The following DAB1 variants were observed in gnomAD, a reference collection of about 807,000 sequenced individuals.
The protein encoded by DAB1 is disabled homolog 1.
DAB1 carries 15 observed loss-of-function variants against 64.6 expected under a neutral mutation model. The ratio of observed to expected loss-of-function variants is 0.23; its 90% CI spans 0.16 to 0.36. The LOEUF (loss-of-function observed/expected upper bound fraction) is 0.36, where lower values mean the gene tolerates loss of function less well. Ranked by LOEUF, DAB1 falls within the 10% of genes least tolerant of loss-of-function variation. The pLI, the probability that DAB1 is intolerant of heterozygous loss-of-function variation, is 1.00. For synonymous variants in DAB1, 235 were observed against 251.9 expected (o/e 0.93, Z 0.64); for missense variants, 596 against 706.7 (o/e 0.84, Z 1.78).
At chr1:57,273,804 G>C (rs755000912) in intron 2 of DAB1, among the ~76,000 whole-genome samples, 7 of 151,874 alleles carry the variant, frequency 4.6e-5, no homozygotes, top group Non-Finnish European at 1.0e-4. Context: ...GCCCTTGACT[G>C]CTCCATCTAC....
chr1:58,440,666 T>C (rs763655897), intron 3 of DAB1, among the ~76,000 whole-genome samples: 1 of 152,244 alleles, frequency 6.6e-6, no homozygotes, highest in Non-Finnish European at 1.5e-5. Context: ...ACATAGCTAA[T>C]ATTTGTTGAA....
chr1:57,053,688 A>ATATATATTTTTT (rs1447741565), intron 9 of DAB1, among the ~76,000 whole-genome samples: 4 of 71,402 alleles, frequency 5.6e-5, no homozygotes, highest in African/African-American at 2.2e-4. Flanking sequence ...ATATATATAT[A>ATATATATTTTTT]TTTTTTTTTT....
intron 6 of DAB1, among the ~76,000 whole-genome samples, chr1:57,715,623 T>C (rs2101750857): frequency 6.6e-6 from 1 of 152,320 alleles, no homozygotes; most frequent in South Asian, 2.1e-4. Context: ...ATAATATTGG[T>C]AGCATTTCAA....
At chr1:57,268,497 T>C (rs1156795762) in intron 2 of DAB1, among the ~76,000 whole-genome samples, 1 of 152,178 alleles carries the variant, frequency 6.6e-6, no homozygotes, top group African/African-American at 2.4e-5. Flanking sequence ...ATCCAACCCA[T>C]TCCAGTGAGA....
At chr1:58,323,101 G>A (rs1662729191) in intron 4 of DAB1, among the ~76,000 whole-genome samples, 1 of 150,512 alleles carries the variant, frequency 6.6e-6, no homozygotes, top group Non-Finnish European at 1.5e-5. Flanking sequence ...GGGGTGGGGG[G>A]CAGGGGGAGG....
At chr1:57,191,022 T>C (rs1383599035) in intron 2 of DAB1, among the ~76,000 whole-genome samples, 2 of 152,182 alleles carry the variant, frequency 1.3e-5, no homozygotes, top group African/African-American at 4.8e-5. Context: ...CAGCTATTAA[T>C]GTCAGCTATA....
At chr1:58,517,239 C>A (rs942951837) in intron 2 of DAB1, among the ~76,000 whole-genome samples, 9 of 152,176 alleles carry the variant, frequency 5.9e-5, no homozygotes, top group African/African-American at 1.9e-4. Flanking sequence ...GACCCCTATG[C>A]TAGACAAGGT....
intron 6 of DAB1, among the ~76,000 whole-genome samples, chr1:57,772,650 A>T (rs1283667432): frequency 6.6e-6 from 1 of 152,070 alleles, no homozygotes; most frequent in East Asian, 1.9e-4. Flanking sequence ...ATGCATGAGA[A>T]TTCTATTTGC....
At chr1:57,865,556 C>T (rs1654259079) in intron 1 of DAB1, among the ~76,000 whole-genome samples, 1 of 152,096 alleles carries the variant, frequency 6.6e-6, no homozygotes, top group Non-Finnish European at 1.5e-5. Flanking sequence ...AACAGGTTCA[C>T]TGGGCATGAT....
chr1:58,246,467 G>A (rs1237386113), intron 4 of DAB1, among the ~76,000 whole-genome samples: 1 of 152,190 alleles, frequency 6.6e-6, no homozygotes, highest in Non-Finnish European at 1.5e-5. Context: ...AGAGTCTACA[G>A]GACAAATGAA....
intron 2 of DAB1, among the ~76,000 whole-genome samples, chr1:57,162,561 A>G (rs1414142167): frequency 6.6e-6 from 1 of 152,240 alleles, no homozygotes; most frequent in Admixed American, 6.5e-5. Flanking sequence ...GCAACCTGCA[A>G]TTGGCCACAA....
At chr1:57,086,853 T>C (rs1653140142) in intron 4 of DAB1, among the ~76,000 whole-genome samples, 1 of 152,184 alleles carries the variant, frequency 6.6e-6, no homozygotes, top group Admixed American at 6.5e-5. Context: ...GTGAAATTGA[T>C]GAGTGAGCAC....
At chr1:58,076,073 G>A (rs1487289719) in intron 5 of DAB1, among the ~76,000 whole-genome samples, 1 of 151,992 alleles carries the variant, frequency 6.6e-6, no homozygotes, top group East Asian at 1.9e-4. Flanking sequence ...TACGGCCAAG[G>A]GATGAAAGAA....
intron 5 of DAB1, among the ~76,000 whole-genome samples, chr1:58,124,271 A>T (rs965922709): frequency 6.6e-6 from 1 of 152,058 alleles, no homozygotes; most frequent in African/African-American, 2.4e-5. Context: ...TCAAACAAAG[A>T]TGGTCAATTA....
At chr1:58,362,053 T>TA (rs1327079210) in intron 3 of DAB1, among the ~76,000 whole-genome samples, 1 of 151,882 alleles carries the variant, frequency 6.6e-6, no homozygotes, top group African/African-American at 2.4e-5. Flanking sequence ...TTAGTAGAGA[T>TA]GGCGTTTCAC....
chr1:58,542,303 C>A (rs1178356035), intron 1 of DAB1, among the ~76,000 whole-genome samples: 1 of 152,174 alleles, frequency 6.6e-6, no homozygotes, highest in East Asian at 1.9e-4. Flanking sequence ...GCCTAGAAGT[C>A]ATTTCACAAT....
intron 5 of DAB1, among the ~76,000 whole-genome samples, chr1:58,117,103 T>C (rs1027264544): frequency 6.6e-6 from 1 of 152,206 alleles, no homozygotes; most frequent in Non-Finnish European, 1.5e-5. Context: ...GTTACAGTAT[T>C]GTTTCTGCCA....
chr1:57,760,702 G>C (rs1275405475), intron 6 of DAB1, among the ~76,000 whole-genome samples: 1 of 151,714 alleles, frequency 6.6e-6, no homozygotes, highest in African/African-American at 2.4e-5. Context: ...CGGCAGTCTG[G>C]GGTCCAATAT....
chr1:57,745,610 T>C (rs769435950), intron 6 of DAB1, among the ~76,000 whole-genome samples: 2 of 152,192 alleles, frequency 1.3e-5, no homozygotes, highest in Non-Finnish European at 2.9e-5. Context: ...TCTTTTTCTC[T>C]TGGGATTATA....
Sources: gnomAD v4.1 joint callset for allele counts (sites outside exome capture counted in the v4.1 genomes callset) on GRCh38, gnomAD v4.1.1 for gene constraint, MANE v1.5 for transcripts, NCBI Gene and HGNC (gene_info 2026-07-23, HGNC 2026-07-21) for gene names.